Variants in DIP2C observed in about 807,000 individuals in gnomAD.
DIP2C encodes DIP2 acetate--CoA ligase C (putative).
A neutral mutation model predicts 192.4 loss-of-function variants in DIP2C; 33 were observed. The observed-to-expected ratio is 0.17, with a 90% CI of 0.13 to 0.23. The LOEUF (loss-of-function observed/expected upper bound fraction) is 0.23. Ranked by LOEUF, DIP2C falls within the 10% of genes least tolerant of loss-of-function variation. The pLI, the probability that DIP2C is intolerant of heterozygous loss-of-function variation, is 1.00. For synonymous variants in DIP2C, 979 were observed against 864.1 expected, an observed-to-expected ratio of 1.13 and a Z score of -2.33; for missense variants, 1,537 against 2,110.1, an observed-to-expected ratio of 0.73 and a Z score of 5.32.
intron 1 of DIP2C, among the ~76,000 whole-genome samples, chr10:647,873 C>T (rs1439770662): frequency 1.3e-5 from 2 of 149,070 alleles, no homozygotes; most frequent in Non-Finnish European, 3.0e-5. Flanking sequence ...CAGAGGGAAA[C>T]TGAGTCCACG....
chr10:604,781 T>G (rs1852348368), intron 1 of DIP2C, among the ~76,000 whole-genome samples: 1 of 152,250 alleles, frequency 6.6e-6, no homozygotes, highest in Non-Finnish European at 1.5e-5. Context: ...TTAGGGGGTT[T>G]GCCTATGACT....
chr10:317,556 G>C (rs1956828916), intron 31 of DIP2C, among the ~76,000 whole-genome samples: 1 of 152,228 alleles, frequency 6.6e-6, no homozygotes, highest in Admixed American at 6.5e-5. Flanking sequence ...AGTGAATGAT[G>C]AACTCAGATT....
intron 31 of DIP2C, 147 bp downstream of exon 31, chr10:326,859 T>A: frequency 1.1e-6 from 1 of 937,218 alleles, no homozygotes; most frequent in East Asian, 2.7e-5. Flanking sequence ...GAAACAGAGA[T>A]CTGCACCAAC....
chr10:591,274 G>A (rs548332330), intron 1 of DIP2C, among the ~76,000 whole-genome samples: 16 of 152,174 alleles, frequency 1.1e-4, no homozygotes, highest in African/African-American at 3.6e-4. Flanking sequence ...ACAGGTGCCC[G>A]CCACCACGCC....
intron 1 of DIP2C, among the ~76,000 whole-genome samples, chr10:590,439 C>T (rs1281048804): frequency 6.6e-6 from 1 of 152,208 alleles, no homozygotes; most frequent in Non-Finnish European, 1.5e-5. Context: ...TGACACAAGG[C>T]CCAGTTCCTG....
At chr10:545,857 C>T (rs1848259040) in intron 1 of DIP2C, among the ~76,000 whole-genome samples, 2 of 152,218 alleles carry the variant, frequency 1.3e-5, no homozygotes, top group Non-Finnish European at 2.9e-5. Context: ...CCCTTACAAC[C>T]TTTCTCCATC....
chr10:672,678 G>A (rs1830708607), intron 1 of DIP2C, among the ~76,000 whole-genome samples: 1 of 152,198 alleles, frequency 6.6e-6, no homozygotes. Flanking sequence ...TTCAAGAGTG[G>A]TCACTTTTCC....
chr10:368,216 G>A (rs2132768621), intron 18 of DIP2C, among the ~76,000 whole-genome samples: 1 of 148,038 alleles, frequency 6.8e-6, no homozygotes, highest in African/African-American at 2.5e-5. Context: ...GGGGGCCCGG[G>A]AAGCCCGCGG....
At chr10:524,339 C>T (rs1282150361) in intron 1 of DIP2C, among the ~76,000 whole-genome samples, 1 of 152,182 alleles carries the variant, frequency 6.6e-6, no homozygotes. Context: ...ATGCAAAAAG[C>T]AAGGCTAACA....
chr10:451,389 C>A (rs1330461306), intron 3 of DIP2C, among the ~76,000 whole-genome samples: 2 of 152,156 alleles, frequency 1.3e-5, no homozygotes, highest in Non-Finnish European at 2.9e-5. Context: ...CCTTCAGTGC[C>A]CAGAATAATC....
chr10:572,852 G>A (rs1330499050), intron 1 of DIP2C, among the ~76,000 whole-genome samples: 1 of 152,118 alleles, frequency 6.6e-6, no homozygotes, highest in African/African-American at 2.4e-5. Flanking sequence ...CCAGGAAACT[G>A]CACTCTCCAG....
intron 1 of DIP2C, among the ~76,000 whole-genome samples, chr10:552,848 CAA>C (rs551865513): frequency 6.6e-6 from 1 of 151,920 alleles, no homozygotes; most frequent in Non-Finnish European, 1.5e-5. Context: ...GACTCCATCT[CAA>C]AAAAAAGTGA....
intron 1 of DIP2C, among the ~76,000 whole-genome samples, chr10:532,145 G>A (rs567738263): frequency 3.9e-5 from 6 of 152,150 alleles, no homozygotes; most frequent in East Asian, 1.9e-4. Flanking sequence ...CATCAGCCCC[G>A]GCAGAAGCTT....
At chr10:521,654 G>T (rs897474988) in intron 1 of DIP2C, among the ~76,000 whole-genome samples, 6 of 152,148 alleles carry the variant, frequency 3.9e-5, no homozygotes, top group Admixed American at 2.6e-4. Flanking sequence ...TAATGCAAAG[G>T]TTTAACTTTT....
intron 1 of DIP2C, among the ~76,000 whole-genome samples, chr10:577,452 G>A (rs1439214083): frequency 6.6e-6 from 1 of 152,222 alleles, no homozygotes; most frequent in East Asian, 1.9e-4. Context: ...CTCATGCTAA[G>A]CCGTCACCAA....
At chr10:278,675 T>C (rs1411978861) in intron 36 of DIP2C, among the ~76,000 whole-genome samples, 4 of 152,226 alleles carry the variant, frequency 2.6e-5, no homozygotes, top group African/African-American at 9.6e-5. Flanking sequence ...TATGGAAGAT[T>C]CACTCAGAAA....
At chr10:477,971 G>A (rs1410229753) in intron 2 of DIP2C, among the ~76,000 whole-genome samples, 1 of 85,460 alleles carries the variant, frequency 1.2e-5, no homozygotes, top group Non-Finnish European at 2.3e-5. Flanking sequence ...GAGAAGGAAG[G>A]GAACAGAAAG....
chr10:526,573 TTTA>T (rs1291661295), intron 1 of DIP2C, among the ~76,000 whole-genome samples: 1 of 152,072 alleles, frequency 6.6e-6, no homozygotes, highest in African/African-American at 2.4e-5. Flanking sequence ...AAAAAATTCT[TTTA>T]TGTTAGTTTT....
chr10:393,778 C>CAAAAA lies in DIP2C; in HGVS notation c.1261-2920_1261-2916dup, dbSNP rs34390976. Among the ~76,000 whole-genome samples the CAAAAA allele has an allele frequency of 2.7e-4, 18 of 66,224 alleles. 1 individual carries two copies. The highest frequency in any genetic ancestry group is 8.8e-4 in the African/African-American group (14 of 15,824). The allele number at this position is 66,224 out of a possible 152,430, so 43.4% of individuals were successfully genotyped here. Reference sequence around the variant, plus strand: ...TGGGTGACAGAGCGAGACTCCGTCTCAAAAAAAAAAAAAAAAAAGAAAAAA... The same window carrying CAAAAA: ...TGGGTGACAGAGCGAGACTCCGTCTCAAAAAAAAAAAAAAAAAAAAAAAGAAAAAA... On this transcript the variant is annotated intron_variant, in intron 10 of 36. Coordinates refer to ENST00000280886, the MANE Select transcript of DIP2C (RefSeq NM_014974.3).
Sources: gnomAD v4.1 joint callset for allele counts (sites outside exome capture counted in the v4.1 genomes callset) on GRCh38, gnomAD v4.1.1 for gene constraint, MANE v1.5 for transcripts, NCBI Gene and HGNC (gene_info 2026-07-23, HGNC 2026-07-21) for gene names.